SECTM1: variants seen among roughly 807,000 people sequenced by gnomAD.
The protein encoded by SECTM1 is secreted and transmembrane 1.
In SECTM1, 10 loss-of-function variants were observed where a neutral mutation model predicts 18.1. That is an observed-to-expected ratio of 0.55 (90% CI 0.34 to 0.94). The LOEUF (loss-of-function observed/expected upper bound fraction) is 0.94. Among genes scored for constraint, SECTM1 ranks in the 40% least tolerant of loss-of-function variants. The probability of loss-of-function intolerance (pLI) is 0.02; values close to 1 mark genes in which losing one functional copy is unlikely to be tolerated. For synonymous variants in SECTM1, 137 were observed against 139.2 expected, an observed-to-expected ratio of 0.98 and a Z score of 0.11; for missense variants, 297 against 322.6, an observed-to-expected ratio of 0.92 and a Z score of 0.61.
chr17:82,325,613 G>A lies in SECTM1; in HGVS notation c.95-723C>T, dbSNP rs545681631. 4.6e-5 allele frequency among the ~76,000 whole-genome samples: 7 copies of A among 152,288 alleles called. No individual in the cohort carries two copies. The East Asian group carries it at 5.8e-4, about 13-fold the overall frequency. On this transcript the variant is annotated intron_variant, in intron 2 of 4. Coordinates refer to ENST00000269389, the MANE Select transcript of SECTM1 (RefSeq NM_003004.3). The surrounding 1 kb of genome is among the most constrained non-coding windows in gnomAD (Gnocchi z 7.6). ...GCCGGCGTGTCAGTCTCTCTCTCCC[G>A]CCTCCTGGGTGAACCCTGCCCCATA...
At chr17:82,327,074 A>C (rs1599654666) in intron 2 of SECTM1, 73 bp downstream of exon 2, 5 of 1,209,040 alleles carry the variant, frequency 4.1e-6, no homozygotes, top group Non-Finnish European at 4.8e-6. Flanking sequence ...ACCTCAGTCC[A>C]CCCCTCCTGC....
rs2052142963 is a variant in SECTM1, at chr17:82,326,052, G to A, written c.94+1095C>T. ...CTGCCTGGACGCTCTGAGTGTTCAG[G>A]GACTGCAGGGCCTCTAAGGCCACTG... On this transcript the variant is annotated intron_variant, in intron 2 of 4. Transcript: ENST00000269389. The surrounding 1 kb of genome is among the most constrained non-coding windows in gnomAD (Gnocchi z 4.3). 6.6e-6 allele frequency among the ~76,000 whole-genome samples: 1 copy of A among 152,192 alleles called. No individual in the cohort carries two copies. The highest frequency in any genetic ancestry group is 6.5e-5 in the Admixed American group (1 of 15,288).
Position 82,322,318 on chromosome 17 carries a change from C to G in SECTM1, c.590G>C (p.Gly197Ala). The change falls in exon 5 of 5, where the codon GGA becomes GCA. Residue 197 changes from glycine (G) to alanine (A), a missense_variant. Gly to Ala is a moderately conservative substitution (Grantham distance 60). Transcript: ENST00000269389. Reference protein sequence around the residue: ...PQMKVAALRAGAQQGLSRASA... With the variant: ...PQMKVAALRAAAQQGLSRASA... ...GGCTCTGCTCAGGCCCTGCTGGGCT[C>G]CCGCTCTGAGGGCTGCGACCTTCAT... is the stretch of plus-strand genomic sequence containing the variant. 6.2e-7 allele frequency: 1 copy of G among 1,613,426 alleles called. No homozygotes were observed. Among genetic ancestry groups the G allele is most frequent in the Non-Finnish European group, 8.5e-7 (1 of 1,179,660 alleles).
rs571479600 is a variant in SECTM1 at position 82,325,251 on chromosome 17, G to A, written c.95-361C>T. ...CAGGTGTGTGCCGGGCGGCTGCGCT[G>A]TGGCAGGAGTGCTGCCACTGACCTG... On this transcript the variant is annotated intron_variant, in intron 2 of 4. Coordinates refer to ENST00000269389, the MANE Select transcript of SECTM1 (RefSeq NM_003004.3). The surrounding 1 kb of genome is among the most constrained non-coding windows in gnomAD (Gnocchi z 7.6). Among the ~76,000 whole-genome samples, 843 of 152,316 alleles carry A rather than the reference G, an allele frequency of 5.5e-3. 14 individuals are homozygous for A. Among genetic ancestry groups the A allele is most frequent in the African/African-American group, 0.019 (791 of 41,570 alleles).
chr17:82,332,876 T>C (rs2052202998), intron 1 of SECTM1, among the ~76,000 whole-genome samples: 1 of 152,230 alleles, frequency 6.6e-6, no homozygotes, highest in Non-Finnish European at 1.5e-5. Context: ...ACAGGCCTCC[T>C]ACGCGGGCTC....
In SECTM1 at chr17:82,325,719, C is replaced by T. The variant is rs527901290; in HGVS notation, c.95-829G>A. 6.6e-5 allele frequency among the ~76,000 whole-genome samples: 10 copies of T among 152,314 alleles called. No homozygotes were observed. Among genetic ancestry groups the T allele is most frequent in the African/African-American group, 1.4e-4 (6 of 41,566 alleles). The stretch of plus-strand genomic sequence containing the variant: ...GCTCAAGGATGCCTGAGATTCAGGC[C>T]GTCGGGCCCGAGCATGGTACCAGCC... On this transcript the variant is annotated intron_variant, in intron 2 of 4. Coordinates refer to ENST00000269389, the MANE Select transcript of SECTM1 (RefSeq NM_003004.3). This position sits in a 1 kb window ranked among gnomAD's most constrained non-coding sequence, Gnocchi z 7.6.
chr17:82,322,794 C>T (rs1380494048), intron 4 of SECTM1, 84 bp downstream of exon 4: 22 of 1,513,880 alleles, frequency 1.5e-5, no homozygotes, highest in Middle Eastern at 3.7e-4. Context: ...CCAGCAGGTG[C>T]AGGACAGTAA....
At chr17:82,324,097 T>G (rs2052123358) in intron 3 of SECTM1, among the ~76,000 whole-genome samples, 1 of 151,646 alleles carries the variant, frequency 6.6e-6, no homozygotes, top group Non-Finnish European at 1.5e-5. Context: ...GGAGGGCAGG[T>G]GCCTCGAAGC....
In SECTM1 at chr17:82,323,337, C is replaced by T. The variant is rs1162993281; in HGVS notation, c.404-326G>A. 2.4e-5 allele frequency: 8 copies of T among 327,812 alleles called. No individual in the cohort carries two copies. The South Asian group carries it at 2.5e-4, about 10-fold the overall frequency. 20.3% of individuals were successfully genotyped at this position (327,812 alleles called of 1,614,324 possible). ...GGGTTCTGGGGAAGAGATGCAAGGGCAGGGGAGGGGCCTGCCCTGTTGTGG... is the reference window on the plus strand; with the variant it reads ...GGGTTCTGGGGAAGAGATGCAAGGGTAGGGGAGGGGCCTGCCCTGTTGTGG... On this transcript the variant is annotated intron_variant, in intron 3 of 4. Coordinates refer to ENST00000269389, the MANE Select transcript of SECTM1 (RefSeq NM_003004.3).
At chr17:82,333,655 AGCCCGCCCCTCTGGTTCCCCC>A (rs199885010) in intron 1 of SECTM1, 24 bp downstream of exon 1, 112 of 139,440 alleles carry the variant, frequency 8.0e-4, no homozygotes, top group African/African-American at 2.4e-3. Flanking sequence ...CCCAGCACCG[AGCCCGCCCCTCTGGTTCCCCC>A]GCCCGCCCCT....
rs887120361 is a variant in SECTM1, at chr17:82,329,617, A to G, written c.-52-2325T>C. The stretch of plus-strand genomic sequence containing the variant: ...GGGCTTGGAGACAGGCTCGGGCCCC[A>G]TCTCCCATCATACGTCCAGCATTCT... On this transcript the variant is annotated intron_variant, in intron 1 of 4. Coordinates refer to ENST00000269389, the MANE Select transcript of SECTM1 (RefSeq NM_003004.3). This position sits in a 1 kb window ranked among gnomAD's most constrained non-coding sequence, Gnocchi z 7.6. Among the ~76,000 whole-genome samples, 1 of 150,990 alleles carries G rather than the reference A, an allele frequency of 6.6e-6. No homozygotes were observed. Among genetic ancestry groups the G allele is most frequent in the Non-Finnish European group, 1.5e-5 (1 of 67,720 alleles).
In SECTM1 at chr17:82,329,543, C is replaced by T. The variant is rs2052175316; in HGVS notation, c.-52-2251G>A. On this transcript the variant is annotated intron_variant, in intron 1 of 4. Coordinates refer to ENST00000269389, the MANE Select transcript of SECTM1 (RefSeq NM_003004.3). The surrounding 1 kb of genome is among the most constrained non-coding windows in gnomAD (Gnocchi z 7.6). The stretch of plus-strand genomic sequence containing the variant: ...CCCACACCTGAGACCTTTTGTGGCC[C>T]CTCACTAACACCCCCTTTCCTGCTG... 6.6e-6 allele frequency: 1 copy of T among 152,540 alleles called. No homozygotes were observed. The highest frequency in any genetic ancestry group is 6.5e-5 in the Admixed American group (1 of 15,278). 9.4% of individuals were successfully genotyped at this position (152,540 alleles called of 1,614,324 possible).
At chr17:82,324,087 G>A (rs375025010) in intron 3 of SECTM1, among the ~76,000 whole-genome samples, 208 of 152,134 alleles carry the variant, frequency 1.4e-3, no homozygotes, top group Non-Finnish European at 2.6e-3. Context: ...CCCAGTAAAG[G>A]GAGGGCAGGT....
intron 3 of SECTM1, 132 bp downstream of exon 3, chr17:82,324,450 C>G: frequency 1.0e-6 from 1 of 984,686 alleles, no homozygotes; most frequent in South Asian, 1.7e-5. Flanking sequence ...TGTCTCCTGG[C>G]AGCCCGGCTC....
chr17:82,333,418 G>A (rs1368233194), intron 1 of SECTM1, among the ~76,000 whole-genome samples: 1 of 152,068 alleles, frequency 6.6e-6, no homozygotes, highest in African/African-American at 2.4e-5. Flanking sequence ...GCCCATACTC[G>A]GGTACGCCCG....
intron 3 of SECTM1, among the ~76,000 whole-genome samples, chr17:82,323,847 C>T (rs979576361): frequency 2.7e-5 from 4 of 147,664 alleles, no homozygotes; most frequent in South Asian, 4.3e-4. Flanking sequence ...AGTGGGGCAG[C>T]GAGCATCCCC....
intron 3 of SECTM1, chr17:82,323,349 C>T: frequency 3.3e-6 from 1 of 301,312 alleles, no homozygotes; most frequent in Non-Finnish European, 6.3e-6. Context: ...GGGGAGGGGC[C>T]TGCCCTGTTG....
rs1023613619 is a variant in SECTM1, at chr17:82,329,025, A to G, written c.-52-1733T>C. ...TATAGATGTGTGTTTCTCCAAACAA[A>G]TAAACCACCAGAAAGTGTCACAGCA... On this transcript the variant is annotated intron_variant, in intron 1 of 4. Transcript: ENST00000269389. The surrounding 1 kb of genome is among the most constrained non-coding windows in gnomAD (Gnocchi z 7.6). Among the ~76,000 whole-genome samples, 8 of 152,140 alleles carry G rather than the reference A, an allele frequency of 5.3e-5. No homozygotes were observed. Among genetic ancestry groups the G allele is most frequent in the African/African-American group, 1.9e-4 (8 of 41,450 alleles).
rs62079493 is a variant in SECTM1 at position 82,326,624 on chromosome 17, T to A, written c.94+523A>T. ...TAGAACCCGTCTCAAAAAAAAAAGA[T>A]AAGAAAAGAAAAGCCCCTCAGGTCA... On this transcript the variant is annotated intron_variant, in intron 2 of 4. Transcript: ENST00000269389. This position sits in a 1 kb window ranked among gnomAD's most constrained non-coding sequence, Gnocchi z 4.3. 1.6e-4 allele frequency among the ~76,000 whole-genome samples: 24 copies of A among 150,398 alleles called. No individual in the cohort carries two copies. Among genetic ancestry groups the A allele is most frequent in the East Asian group, 9.8e-4 (5 of 5,094 alleles).
Sources: allele counts gnomAD v4.1 joint callset (sites outside exome capture counted in the v4.1 genomes callset), GRCh38; gene constraint gnomAD v4.1.1; non-coding constraint Gnocchi (gnomAD v3.1); transcripts MANE v1.5; gene names NCBI Gene and HGNC (gene_info 2026-07-23, HGNC 2026-07-21).